Variants in NFIB observed in about 807,000 individuals in gnomAD.
NFIB encodes the protein nuclear factor 1 B-type.
Under a neutral mutation model 61.5 loss-of-function variants are expected in NFIB, and 11 were observed. That is an observed-to-expected ratio of 0.18 (90% CI 0.11 to 0.30). The LOEUF (loss-of-function observed/expected upper bound fraction) is 0.30. Among genes scored for constraint, NFIB ranks in the 10% least tolerant of loss-of-function variants. The pLI, the probability that NFIB is intolerant of heterozygous loss-of-function variation, is 1.00. For missense variants in NFIB, 471 were observed against 608.9 expected (o/e 0.77, Z 2.38); for synonymous variants, 260 against 216.5 (o/e 1.20, Z -1.76).
intron 2 of NFIB, chr9:14,204,456 T>C: frequency 9.4e-7 from 1 of 1,058,244 alleles, no homozygotes; most frequent in Non-Finnish European, 1.5e-6. Flanking sequence ...AGAGTCATCC[T>C]CTATAAGCGA....
chr9:14,430,915 C>T, the NFIB span, among the ~76,000 whole-genome samples: 1 of 152,044 alleles, frequency 6.6e-6, no homozygotes, highest in East Asian at 1.9e-4. Flanking sequence ...TTTGGAGAGA[C>T]AGTTTTTGTA....
At chr9:14,426,375 T>C in the NFIB span, among the ~76,000 whole-genome samples, 1 of 152,200 alleles carries the variant, frequency 6.6e-6, no homozygotes, top group African/African-American at 2.4e-5. Flanking sequence ...CATACTTTTA[T>C]GATGACACAT....
chr9:14,226,890 G>A (rs114764851), intron 2 of NFIB, among the ~76,000 whole-genome samples: 2 of 151,890 alleles, frequency 1.3e-5, no homozygotes, highest in Non-Finnish European at 2.9e-5. Flanking sequence ...CTGTAATCCC[G>A]GCACTTTGGG....
Position 14,094,616 on chromosome 9 carries a change from G to C in NFIB, c.1468-6290C>G, listed in dbSNP as rs576240402. On this transcript the variant is annotated intron_variant, in intron 10 of 10. Coordinates refer to ENST00000380953, the MANE Select transcript of NFIB (RefSeq NM_001190737.2). ...TTACTATTTGTAATAATCTGTATCA[G>C]AAAGCTCCCTGGCTAGCTCTTACCT... is the stretch of plus-strand genomic sequence containing the variant. Among the ~76,000 whole-genome samples the C allele has an allele frequency of 1.2e-4, 19 of 152,122 alleles. No homozygotes were observed. In the East Asian group the frequency reaches 3.3e-3, roughly 26 times the overall value.
chr9:14,314,155 G>GGCGC, upstream of NFIB: 1 of 983,186 alleles, frequency 1.0e-6, no homozygotes. Context: ...CGGGTGGCGG[G>GGCGC]GCGCGCGCGG....
chr9:14,160,295 G>C (rs946815900), intron 3 of NFIB, among the ~76,000 whole-genome samples: 1 of 151,790 alleles, frequency 6.6e-6, no homozygotes, highest in Non-Finnish European at 1.5e-5. Context: ...AATAACAGAG[G>C]GACACAATGG....
chr9:14,184,678 C>A (rs2047149786), intron 2 of NFIB, among the ~76,000 whole-genome samples: 1 of 152,144 alleles, frequency 6.6e-6, no homozygotes, highest in South Asian at 2.1e-4. Flanking sequence ...GTAGATAAAT[C>A]ATCAAAACTG....
the NFIB span, among the ~76,000 whole-genome samples, chr9:14,520,309 T>G: frequency 6.6e-6 from 1 of 152,218 alleles, no homozygotes; most frequent in African/African-American, 2.4e-5. Context: ...CATGACCTTA[T>G]TTACAAAATA....
chr9:14,347,410 G>C (rs976471089), intron 1 of NFIB: 2 of 152,510 alleles, frequency 1.3e-5, no homozygotes, highest in African/African-American at 2.4e-5. Flanking sequence ...TAGGTGGAGG[G>C]GGAAGAGGGA....
intron 2 of NFIB, among the ~76,000 whole-genome samples, chr9:14,197,581 A>C (rs1423420259): frequency 6.6e-6 from 1 of 152,218 alleles, no homozygotes. Flanking sequence ...AAGACTGTGG[A>C]GTTCAAGGGG....
the NFIB span, among the ~76,000 whole-genome samples, chr9:14,457,550 T>G: frequency 6.9e-6 from 1 of 145,350 alleles, no homozygotes; most frequent in Non-Finnish European, 1.5e-5. Context: ...CAAAAAACCC[T>G]TCAAAAAATC....
chr9:14,428,840 A>T, the NFIB span, among the ~76,000 whole-genome samples: 5 of 152,136 alleles, frequency 3.3e-5, no homozygotes, highest in Non-Finnish European at 7.4e-5. Flanking sequence ...GAAAACAGAG[A>T]CGTCTGGTAA....
chr9:14,328,223 C>T (rs2060778257), intron 1 of NFIB, among the ~76,000 whole-genome samples: 1 of 152,196 alleles, frequency 6.6e-6, no homozygotes, highest in African/African-American at 2.4e-5. Flanking sequence ...GGGCTCACTA[C>T]ATCCTTGACC....
rs571074060 is a variant in NFIB, at chr9:14,217,601, G to C, written c.563-37821C>G. Among the ~76,000 whole-genome samples the C allele has an allele frequency of 1.5e-4, 21 of 142,184 alleles. No homozygotes were observed. The South Asian group carries it at 4.5e-3, about 30-fold the overall frequency. The allele number at this position is 142,184 out of a possible 152,430, so 93.3% of individuals were successfully genotyped here. A position where few individuals can be genotyped will look rare whatever the true frequency, so the allele number is the denominator to read the frequency against. ...CTTGAACCCAGGAAGTGGAGGTTGC[G>C]GTGAGCCGAGATTGCAACATTGCAT... On this transcript the variant is annotated intron_variant, in intron 2 of 10. Transcript: ENST00000380953.
chr9:14,433,970 T>C, the NFIB span, among the ~76,000 whole-genome samples: 2 of 152,212 alleles, frequency 1.3e-5, no homozygotes. Flanking sequence ...CCGAGGTTGC[T>C]GCGGCCACAA....
chr9:14,129,037 G>C (rs1319947495), intron 6 of NFIB, among the ~76,000 whole-genome samples: 2 of 151,752 alleles, frequency 1.3e-5, no homozygotes, highest in African/African-American at 4.8e-5. Context: ...TCTTTTTTGG[G>C]CATGCACCTA....
rs1173884110 is a variant in NFIB at position 14,120,450 on chromosome 9, T to G, written c.1235A>C (p.Gln412Pro). ...CTCTCTTATTTTTACCTGGCTGGTT[T>G]GTGGACTGGATGGGTCATAAGAAGG... ...YVPSYDPSSP[Q>P]TSQPNGSGQV... The change falls in exon 8 of 11, where the codon CAA becomes CCA. Residue 412 changes from glutamine to proline, a missense_variant. Transcript: ENST00000380953. The surrounding 1 kb of genome is among the most constrained non-coding windows in gnomAD (Gnocchi z 4.4). The G allele has an allele frequency of 6.2e-7, 1 of 1,614,144 alleles. No homozygotes were observed. The highest frequency in any genetic ancestry group is 8.5e-7 in the Non-Finnish European group (1 of 1,179,996).
intron 2 of NFIB, among the ~76,000 whole-genome samples, chr9:14,290,183 T>C (rs748330111): frequency 1.2e-4 from 19 of 152,114 alleles, no homozygotes; most frequent in Non-Finnish European, 2.6e-4. Flanking sequence ...AAACAGGCAT[T>C]GTGATTAGCT....
intron 5 of NFIB, among the ~76,000 whole-genome samples, chr9:14,149,141 A>T (rs1040296045): frequency 2.6e-5 from 4 of 152,150 alleles, no homozygotes; most frequent in Non-Finnish European, 5.9e-5. Flanking sequence ...TATGTCAGAG[A>T]CTATTTTAAT....
Sources: gnomAD v4.1 joint callset for allele counts (sites outside exome capture counted in the v4.1 genomes callset) on GRCh38, gnomAD v4.1.1 for gene constraint, Gnocchi (gnomAD v3.1) non-coding constraint, MANE v1.5 for transcripts, NCBI Gene and HGNC (gene_info 2026-07-23, HGNC 2026-07-21) for gene names.